Variants in ADARB2 observed in about 807,000 individuals in gnomAD.
ADARB2 encodes inactive double-stranded RNA-specific editase B2.
A neutral mutation model predicts 62.2 loss-of-function variants in ADARB2; 25 were observed. The observed-to-expected ratio is 0.40, with a 90% confidence interval of 0.29 to 0.56. The LOEUF (loss-of-function observed/expected upper bound fraction) is 0.56. Among genes scored for constraint, ADARB2 ranks in the 20% least tolerant of loss-of-function variants. The probability of loss-of-function intolerance (pLI) is 0.43; values close to 1 mark genes in which losing one functional copy is unlikely to be tolerated. For missense variants in ADARB2, 1,071 were observed against 1,077.4 expected (o/e 0.99, Z 0.08); for synonymous variants, 572 against 500.8 (o/e 1.14, Z -1.90).
At chr10:1,330,082 T>C (rs1447621152) in intron 3 of ADARB2, among the ~76,000 whole-genome samples, 1 of 152,188 alleles carries the variant, frequency 6.6e-6, no homozygotes, top group Non-Finnish European at 1.5e-5. Flanking sequence ...AGGGAATACC[T>C]GGATAATCAG....
At chr10:1,678,260 CA>C (rs1280305478) in intron 1 of ADARB2, 45 of 985,056 alleles carry the variant, frequency 4.6e-5, no homozygotes, top group Non-Finnish European at 5.3e-5. Flanking sequence ...TGAGCATCCT[CA>C]GGGTGAGGGA....
At chr10:1,622,355 T>A (rs1289149941) in intron 1 of ADARB2, among the ~76,000 whole-genome samples, 1 of 152,228 alleles carries the variant, frequency 6.6e-6, no homozygotes, top group East Asian at 1.9e-4. Context: ...CTTCATCAAC[T>A]TTTAAAACTT....
intron 1 of ADARB2, among the ~76,000 whole-genome samples, chr10:1,563,626 CTTT>C (rs137871175): frequency 1.5e-4 from 23 of 149,850 alleles, no homozygotes; most frequent in African/African-American, 5.7e-4. Flanking sequence ...TTTCATTTTA[CTTT>C]TTTTTTTATT....
intron 1 of ADARB2, among the ~76,000 whole-genome samples, chr10:1,389,785 AATAAAT>A (rs1832554392): frequency 6.7e-5 from 10 of 148,414 alleles, no homozygotes; most frequent in Non-Finnish European, 1.5e-4. Flanking sequence ...ATAAATAAAT[AATAAAT>A]AAAAAATAAA....
At chr10:1,274,013 G>A (rs909458564) in intron 3 of ADARB2, among the ~76,000 whole-genome samples, 7 of 152,204 alleles carry the variant, frequency 4.6e-5, no homozygotes, top group African/African-American at 1.7e-4. Context: ...AGAGGGGACA[G>A]GGCACTGAAG....
At chr10:1,484,583 G>A (rs973254950) in intron 1 of ADARB2, among the ~76,000 whole-genome samples, 1 of 152,228 alleles carries the variant, frequency 6.6e-6, no homozygotes, top group Admixed American at 6.5e-5. Context: ...ACCACATGGC[G>A]TTTATTCTCC....
At chr10:1,219,942 GTGATAA>G (rs1830669852) in intron 6 of ADARB2, among the ~76,000 whole-genome samples, 1 of 138,438 alleles carries the variant, frequency 7.2e-6, no homozygotes, top group South Asian at 2.4e-4. Flanking sequence ...GATGATGGTG[GTGATAA>G]TGGTGATGGT....
intron 1 of ADARB2, among the ~76,000 whole-genome samples, chr10:1,549,210 T>G (rs1316886413): frequency 8.7e-5 from 10 of 114,762 alleles, no homozygotes; most frequent in African/African-American, 1.1e-4. Context: ...GGCGTGGAGC[T>G]GGGGGGGTCC....
chr10:1,410,517 CAG>C (rs1832750740), intron 1 of ADARB2, among the ~76,000 whole-genome samples: 1 of 152,180 alleles, frequency 6.6e-6, no homozygotes, highest in Admixed American at 6.5e-5. Context: ...GGGCAGACAA[CAG>C]AGATGTCAAT....
At chr10:1,508,277 G>C (rs947676174) in intron 1 of ADARB2, among the ~76,000 whole-genome samples, 2 of 152,170 alleles carry the variant, frequency 1.3e-5, no homozygotes, top group East Asian at 3.9e-4. Flanking sequence ...GGACGTCAGT[G>C]CTGTCCCCGC....
At chr10:1,523,002 C>T (rs542745801) in intron 1 of ADARB2, among the ~76,000 whole-genome samples, 1 of 152,172 alleles carries the variant, frequency 6.6e-6, no homozygotes, top group South Asian at 2.1e-4. Context: ...AGTTTCAAAT[C>T]GTTATCTCCT....
At chr10:1,341,641 G>A (rs574342892) in intron 3 of ADARB2, among the ~76,000 whole-genome samples, 1 of 151,620 alleles carries the variant, frequency 6.6e-6, no homozygotes, top group East Asian at 2.0e-4. Flanking sequence ...AGAACAACGT[G>A]CCCTGCAACG....
intron 1 of ADARB2, among the ~76,000 whole-genome samples, chr10:1,705,957 G>A (rs1834885212): frequency 6.6e-6 from 1 of 152,066 alleles, no homozygotes; most frequent in South Asian, 2.1e-4. Flanking sequence ...GTGGTTTAAT[G>A]CCTTATTTTA....
In ADARB2 at chr10:1,333,498, C is replaced by T. The variant is rs570754151; in HGVS notation, c.1077+29530G>A. Reference sequence around the variant, plus strand: ...ACTGCCTCTCTGTGCTCAGATGGGCCCCACTTAATTTTGAGGGTATTTTTT... The same window carrying T: ...ACTGCCTCTCTGTGCTCAGATGGGCTCCACTTAATTTTGAGGGTATTTTTT... On this transcript the variant is annotated intron_variant, in intron 3 of 9. Transcript: ENST00000381312. Among the ~76,000 whole-genome samples, 506 of 152,226 alleles carry T rather than the reference C, an allele frequency of 3.3e-3. 3 individuals are homozygous for T. Among genetic ancestry groups the T allele is most frequent in the African/African-American group, 0.012 (482 of 41,522 alleles).
At chr10:1,269,774 G>A (rs1220319170) in intron 4 of ADARB2, among the ~76,000 whole-genome samples, 1 of 152,202 alleles carries the variant, frequency 6.6e-6, no homozygotes, top group Non-Finnish European at 1.5e-5. Context: ...GTATGGCGGT[G>A]CCCAATTGAT....
intron 1 of ADARB2, among the ~76,000 whole-genome samples, chr10:1,391,136 A>G (rs1449730051): frequency 6.6e-6 from 1 of 152,112 alleles, no homozygotes; most frequent in East Asian, 1.9e-4. Flanking sequence ...CAAGTCAAAT[A>G]CCTGAAGAGC....
chr10:1,650,154 C>A (rs1397629643), intron 1 of ADARB2, among the ~76,000 whole-genome samples: 1 of 152,254 alleles, frequency 6.6e-6, no homozygotes, highest in African/African-American at 2.4e-5. Flanking sequence ...ACGTTCATGA[C>A]TGCTCTCACA....
chr10:1,585,870 T>C (rs1041028252), intron 1 of ADARB2, among the ~76,000 whole-genome samples: 2 of 152,024 alleles, frequency 1.3e-5, no homozygotes, highest in African/African-American at 4.8e-5. Flanking sequence ...CCGTCTCTAC[T>C]AAAAATACAA....
chr10:1,594,196 A>T (rs1008867375), intron 1 of ADARB2, among the ~76,000 whole-genome samples: 1 of 152,150 alleles, frequency 6.6e-6, no homozygotes, highest in Non-Finnish European at 1.5e-5. Flanking sequence ...AGGCTGAGGC[A>T]GGAGAATCGC....
Sources: allele counts gnomAD v4.1 joint callset (sites outside exome capture counted in the v4.1 genomes callset), GRCh38; gene constraint gnomAD v4.1.1; transcripts MANE v1.5; gene names NCBI Gene and HGNC (gene_info 2026-07-23, HGNC 2026-07-21).